Variants in ALK observed in about 807,000 individuals in gnomAD.
ALK encodes the protein ALK receptor tyrosine kinase.
A neutral mutation model predicts 163.1 loss-of-function variants in ALK; 74 were observed. That is an observed-to-expected ratio of 0.45 (90% CI 0.38 to 0.55). ALK has a LOEUF of 0.55. Among genes scored for constraint, ALK ranks in the 20% least tolerant of loss-of-function variants. The pLI is 0.00. For synonymous variants in ALK, 960 were observed against 843.2 expected (o/e 1.14, Z -2.40); for missense variants, 2,063 against 2,105.3 (o/e 0.98, Z 0.39).
At chr2:29,850,723 C>T (rs1665969205) in intron 1 of ALK, among the ~76,000 whole-genome samples, 1 of 152,182 alleles carries the variant, frequency 6.6e-6, no homozygotes, top group Non-Finnish European at 1.5e-5. Flanking sequence ...TCAGCTGTGC[C>T]TCCCAGTGTA....
At chr2:29,366,596 C>G (rs1668514716) in intron 5 of ALK, among the ~76,000 whole-genome samples, 1 of 152,152 alleles carries the variant, frequency 6.6e-6, no homozygotes, top group South Asian at 2.1e-4. Flanking sequence ...AGGACTCCTT[C>G]AGTCACACTC....
At chr2:29,391,500 C>T (rs4519471) in intron 4 of ALK, among the ~76,000 whole-genome samples, 46,579 of 152,038 alleles carry the variant, frequency 0.31, 8,230 homozygotes, top group East Asian at 0.62. Context: ...GGGGTTTCCC[C>T]GTGTTGGCCA....
chr2:29,330,307 C>A (rs1367755738), intron 5 of ALK, among the ~76,000 whole-genome samples: 1 of 152,162 alleles, frequency 6.6e-6, no homozygotes, highest in Non-Finnish European at 1.5e-5. Context: ...TGTGATGATG[C>A]ACCCCATACT....
chr2:29,847,324 G>T (rs1558516286), intron 1 of ALK, among the ~76,000 whole-genome samples: 1 of 152,102 alleles, frequency 6.6e-6, no homozygotes, highest in Non-Finnish European at 1.5e-5. Context: ...CTGGACCTGG[G>T]CTCCTATCTG....
At chr2:29,320,261 G>C (rs1025287862) in intron 7 of ALK, among the ~76,000 whole-genome samples, 2 of 152,196 alleles carry the variant, frequency 1.3e-5, no homozygotes, top group African/African-American at 4.8e-5. Flanking sequence ...TTAAATCAGG[G>C]GTGAGGTAGG....
intron 18 of ALK, among the ~76,000 whole-genome samples, chr2:29,226,355 G>A (rs1231467824): frequency 6.6e-6 from 1 of 151,730 alleles, no homozygotes; most frequent in Non-Finnish European, 1.5e-5. Flanking sequence ...GTGGGCGCCT[G>A]TAGTCCCAGC....
At chr2:29,239,601 G>T in intron 13 of ALK, 79 bp downstream of exon 13, 1 of 1,541,802 alleles carries the variant, frequency 6.5e-7, no homozygotes, top group Non-Finnish European at 8.9e-7. Context: ...GGAGGAGGGT[G>T]TTGAGTGTTG....
At chr2:29,535,823 A>T (rs1231705328) in intron 3 of ALK, among the ~76,000 whole-genome samples, 1 of 152,210 alleles carries the variant, frequency 6.6e-6, no homozygotes, top group African/African-American at 2.4e-5. Context: ...AAAGAAATTG[A>T]GTCAAGTCTC....
chr2:29,777,967 G>A (rs928225191), intron 1 of ALK, among the ~76,000 whole-genome samples: 1 of 152,156 alleles, frequency 6.6e-6, no homozygotes, highest in Non-Finnish European at 1.5e-5. Flanking sequence ...CTTCCACCTG[G>A]CAAAAACAGT....
At position 29,275,199 on chromosome 2, in the gene ALK, A is replaced by G. The variant is rs777545745; in HGVS notation, c.1941T>C (p.Asn647=). The G allele has an allele frequency of 1.2e-6, 2 of 1,614,010 alleles. No individual in the cohort carries two copies. Among genetic ancestry groups the G allele is most frequent in the Non-Finnish European group, 1.7e-6 (2 of 1,180,036 alleles). ...TISGEDKILQ[N]TAPKSRNLFE... The stretch of plus-strand genomic sequence containing the variant: ...ACAGGTTTCTTGATTTGGGTGCTGT[A>G]TTCTGCAGGATCTTGTCCTCTCCGC... Residue 647 remains asparagine, a synonymous_variant, in exon 11 of 29, where the codon AAT becomes AAC. Transcript: ENST00000389048.
At chr2:29,798,815 C>A (rs936310337) in intron 1 of ALK, among the ~76,000 whole-genome samples, 2 of 152,048 alleles carry the variant, frequency 1.3e-5, no homozygotes, top group Non-Finnish European at 2.9e-5. Context: ...GGACTCTGAC[C>A]GTTCTGGAGA....
intron 4 of ALK, among the ~76,000 whole-genome samples, chr2:29,520,019 T>G (rs757352555): frequency 2.5e-4 from 38 of 151,992 alleles, no homozygotes; most frequent in Admixed American, 5.9e-4. Flanking sequence ...GAAGGAGGAA[T>G]TGGGGGAAAA....
At chr2:29,333,242 G>A (rs2148263379) in intron 5 of ALK, among the ~76,000 whole-genome samples, 1 of 152,020 alleles carries the variant, frequency 6.6e-6, no homozygotes, top group South Asian at 2.1e-4. Flanking sequence ...CAGCCTCCCA[G>A]GCAGCTGGGA....
At chr2:29,333,396 G>A (rs113001812) in intron 5 of ALK, among the ~76,000 whole-genome samples, 1,925 of 152,240 alleles carry the variant, frequency 0.013, 55 homozygotes, top group African/African-American at 0.044. Context: ...ATAAGCTATC[G>A]TGCCCAGCCT....
At chr2:29,850,232 C>G (rs975844852) in intron 1 of ALK, among the ~76,000 whole-genome samples, 1 of 152,102 alleles carries the variant, frequency 6.6e-6, no homozygotes, top group African/African-American at 2.4e-5. Context: ...ACCAAAGAGC[C>G]CATAGAAGAC....
intron 1 of ALK, among the ~76,000 whole-genome samples, chr2:29,893,833 C>T (rs570041540): frequency 6.6e-6 from 1 of 152,236 alleles, no homozygotes; most frequent in East Asian, 1.9e-4. Flanking sequence ...GCTGACAGAG[C>T]TGGGTTCAAA....
rs2148443653 is a variant in ALK at position 29,920,424 on chromosome 2, T to C, written c.236A>G (p.Glu79Gly). The stretch of plus-strand genomic sequence containing the variant: ...GGCCTCGGGCCTGCCAGCCTTCAGC[T>C]CCGAGGAGGATGGTGGCAGCAGTAG... The part of the protein sequence containing the change: ...RDLLLPPSSS[E>G]LKAGRPEARG... Residue 79 changes from glutamate to glycine, a missense_variant, in exon 1 of 29, where the codon GAG becomes GGG. By Grantham distance (98) the Glu-to-Gly change is moderately conservative. Transcript: ENST00000389048. 1 of 1,601,576 alleles carries C rather than the reference T, an allele frequency of 6.2e-7. No homozygotes were observed. The highest frequency in any genetic ancestry group is 1.1e-5 in the South Asian group (1 of 88,898).
At chr2:29,872,888 C>T (rs1360207806) in intron 1 of ALK, among the ~76,000 whole-genome samples, 1 of 152,220 alleles carries the variant, frequency 6.6e-6, no homozygotes, top group African/African-American at 2.4e-5. Flanking sequence ...CAGACAAATC[C>T]TCTGTCCCAC....
At chr2:29,847,152 C>T (rs1665865617) in intron 1 of ALK, among the ~76,000 whole-genome samples, 1 of 152,084 alleles carries the variant, frequency 6.6e-6, no homozygotes, top group Admixed American at 6.5e-5. Flanking sequence ...TTCCCAGGGG[C>T]TCCTCCCTTC....
Sources: allele counts gnomAD v4.1 joint callset (sites outside exome capture counted in the v4.1 genomes callset), GRCh38; gene constraint gnomAD v4.1.1; transcripts MANE v1.5; gene names NCBI Gene and HGNC (gene_info 2026-07-23, HGNC 2026-07-21).